The following BTG3 variants were observed in gnomAD, a reference collection of about 807,000 sequenced individuals.
BTG3 encodes protein BTG3.
A neutral mutation model predicts 25.8 loss-of-function variants in BTG3; 4 were observed. The observed-to-expected ratio is 0.16, with a 90% CI of 0.08 to 0.36. BTG3 has a LOEUF of 0.36. BTG3 is among the 10% of genes least tolerant of loss of function. BTG3 has a pLI of 1.00. For synonymous variants in BTG3, 107 were observed against 99.9 expected (o/e 1.07, Z -0.42); for missense variants, 201 against 304.9 (o/e 0.66, Z 2.54).
At chr21:17,604,199 T>G in intron 3 of BTG3, 1 of 1,122,922 alleles carries the variant, frequency 8.9e-7, no homozygotes. Context: ...ATCCAGCGCT[T>G]TGGGAGGCCA....
In BTG3 at chr21:17,609,058, C is replaced by A; in HGVS notation, c.87G>T (p.Arg29Ser). ...HDKLKKEAVE[R>S]FAEKLTLILQ... Reference sequence around the variant, plus strand: ...GTATTAGGGTCAATTTCTCAGCAAACCTCTCAACTGCCTCTTTTTTCAACT... The same window carrying A: ...GTATTAGGGTCAATTTCTCAGCAAAACTCTCAACTGCCTCTTTTTTCAACT... Residue 29 changes from arginine to serine, a missense_variant, in exon 2 of 5, where the codon AGG becomes AGT. Physicochemically the swap from Arg to Ser is moderately radical, Grantham distance 110. Transcript: ENST00000348354. The A allele has an allele frequency of 2.5e-6, 4 of 1,614,048 alleles. No homozygotes were observed. The highest frequency in any genetic ancestry group is 3.4e-6 in the Non-Finnish European group (4 of 1,179,976).
chr21:17,609,713 A>G (rs997095044), intron 1 of BTG3, among the ~76,000 whole-genome samples: 15 of 152,264 alleles, frequency 9.9e-5, no homozygotes, highest in Non-Finnish European at 2.1e-4. Flanking sequence ...AACCTTGTAC[A>G]GAAATGCCCA....
intron 2 of BTG3, among the ~76,000 whole-genome samples, chr21:17,608,543 C>T (rs1376273154): frequency 2.6e-5 from 4 of 151,868 alleles, no homozygotes; most frequent in Non-Finnish European, 5.9e-5. Flanking sequence ...AATCTTAGTT[C>T]CCTTTTTCCA....
chr21:17,600,621 G>C (rs1361979464), intron 3 of BTG3, among the ~76,000 whole-genome samples: 2 of 151,902 alleles, frequency 1.3e-5, no homozygotes, highest in African/African-American at 4.8e-5. Flanking sequence ...AGGAATTTGA[G>C]ACCAGTCTGG....
At chr21:17,605,197 C>T (rs2061623083) in intron 2 of BTG3, 200 bp from the exon 3 acceptor site, 1 of 530,702 alleles carries the variant, frequency 1.9e-6, no homozygotes, top group Admixed American at 3.5e-5. Flanking sequence ...AAGATGGCAC[C>T]TATGTGAGCC....
intron 4 of BTG3, among the ~76,000 whole-genome samples, chr21:17,597,367 T>C (rs1391203902): frequency 6.6e-6 from 1 of 151,960 alleles, no homozygotes; most frequent in Non-Finnish European, 1.5e-5. Context: ...TAATTTGCAA[T>C]ATATAATCCA....
At chr21:17,607,787 C>T (rs922755983) in intron 2 of BTG3, among the ~76,000 whole-genome samples, 1 of 152,168 alleles carries the variant, frequency 6.6e-6, no homozygotes, top group Non-Finnish European at 1.5e-5. Context: ...TTTTATTTCT[C>T]GTGGCCACAT....
chr21:17,593,657 G>A lies in BTG3; in HGVS notation c.*436C>T, dbSNP rs2061464605. On this transcript the variant is annotated 3_prime_UTR_variant, in exon 5 of 5. Transcript: ENST00000348354. ...ACACAACAGAAACACGCGTTGTCAT[G>A]CCTCAAACTATTTTTTATTTGCAAC... is the stretch of plus-strand genomic sequence containing the variant. 6.1e-6 allele frequency: 1 copy of A among 162,834 alleles called. No homozygotes were observed. The highest frequency in any genetic ancestry group is 6.4e-5 in the Admixed American group (1 of 15,640). 10.1% of individuals were successfully genotyped at this position (162,834 alleles called of 1,614,324 possible). A position where few individuals can be genotyped will look rare whatever the true frequency, so the allele number is the denominator to read the frequency against.
chr21:17,605,767 T>G (rs1370860447), intron 2 of BTG3, among the ~76,000 whole-genome samples: 1 of 152,188 alleles, frequency 6.6e-6, no homozygotes, highest in Non-Finnish European at 1.5e-5. Context: ...GCATTCTGAT[T>G]AAGTAGGGAA....
intron 4 of BTG3, among the ~76,000 whole-genome samples, chr21:17,598,073 T>C (rs1025488300): frequency 2.6e-5 from 4 of 152,342 alleles, no homozygotes; most frequent in African/African-American, 9.6e-5. Flanking sequence ...GTCGATTAAA[T>C]GTTCTTTGGT....
intron 3 of BTG3, among the ~76,000 whole-genome samples, chr21:17,600,670 A>C (rs2061560705): frequency 6.6e-6 from 1 of 152,016 alleles, no homozygotes; most frequent in South Asian, 2.1e-4. Context: ...AAAACAAAAA[A>C]ACAAGAACAA....
Position 17,598,645 on chromosome 21 carries a change from A to G in BTG3, c.491T>C (p.Val164Ala), listed in dbSNP as rs746927489. 2 of 1,614,140 alleles carry G rather than the reference A, an allele frequency of 1.2e-6. No homozygotes were observed. The highest frequency in any genetic ancestry group is 2.2e-5 in the East Asian group (1 of 44,876). Residue 164 changes from valine to alanine, a missense_variant, in exon 4 of 5, where the codon GTG becomes GCG. Val to Ala is a moderately conservative substitution (Grantham distance 64). Coordinates refer to ENST00000348354, the MANE Select transcript of BTG3 (RefSeq NM_006806.5). ...GTACACAGGACTTGCGGCTGCAGTC[A>G]CCGAACTGGGTTTCACTTCCATTTC... Reference protein sequence around the residue: ...SKEMEVKPSSVTAAASPVYQI... With the variant: ...SKEMEVKPSSATAAASPVYQI...
chr21:17,609,100 T>C lies in BTG3; in HGVS notation c.45A>G (p.Leu15=). ...TTTTCAACTTATCATGTTTTCGAACTAGCCTTGTGAAAAAGAAGACAACGG... is the reference window on the plus strand; with the variant it reads ...TTTTCAACTTATCATGTTTTCGAACCAGCCTTGTGAAAAAGAAGACAACGG... ...IAAVVFFFTR[L]VRKHDKLKKE... Residue 15 remains leucine, a synonymous_variant, in exon 2 of 5, where the codon CTA becomes CTG. Transcript: ENST00000348354. 1.2e-6 allele frequency: 2 copies of C among 1,613,830 alleles called. No homozygotes were observed. The highest frequency in any genetic ancestry group is 1.7e-6 in the Non-Finnish European group (2 of 1,179,972).
intron 3 of BTG3, among the ~76,000 whole-genome samples, chr21:17,604,581 C>A (rs936086377): frequency 6.6e-6 from 1 of 152,156 alleles, no homozygotes; most frequent in Non-Finnish European, 1.5e-5. Context: ...AGACACCTAG[C>A]GGAATCTAGG....
intron 4 of BTG3, among the ~76,000 whole-genome samples, chr21:17,597,285 GCTTAACAACAAATAAA>G (rs2061516425): frequency 1.3e-5 from 2 of 151,872 alleles, no homozygotes; most frequent in African/African-American, 4.8e-5. Flanking sequence ...TTACATTCTT[GCTTAACAACAAATAAA>G]ATTCTGAGGT....
At chr21:17,607,908 G>A (rs2061665819) in intron 2 of BTG3, among the ~76,000 whole-genome samples, 1 of 152,188 alleles carries the variant, frequency 6.6e-6, no homozygotes, top group Non-Finnish European at 1.5e-5. Flanking sequence ...TGTTTTATAG[G>A]AGTCTGCTCT....
At chr21:17,597,074 T>A (rs1472809550) in intron 4 of BTG3, among the ~76,000 whole-genome samples, 1 of 152,076 alleles carries the variant, frequency 6.6e-6, no homozygotes, top group East Asian at 1.9e-4. Flanking sequence ...TATAAAATGT[T>A]TTGCTAATGA....
At chr21:17,609,187 A>G in intron 1 of BTG3, 35 bp from the exon 2 acceptor site, 1 of 1,584,030 alleles carries the variant, frequency 6.3e-7, no homozygotes, top group Non-Finnish European at 8.6e-7. Flanking sequence ...CAGAAAAACA[A>G]AATATAAAAA....
chr21:17,599,855 G>T (rs1372982218), intron 3 of BTG3, among the ~76,000 whole-genome samples: 1 of 152,126 alleles, frequency 6.6e-6, no homozygotes, highest in East Asian at 1.9e-4. Flanking sequence ...CTATAAAATT[G>T]ACTTTAACCC....
Sources: gnomAD v4.1 joint callset for allele counts (sites outside exome capture counted in the v4.1 genomes callset) on GRCh38, gnomAD v4.1.1 for gene constraint, MANE v1.5 for transcripts, NCBI Gene and HGNC (gene_info 2026-07-23, HGNC 2026-07-21) for gene names.